Variants in PCDHGA7 observed in about 807,000 individuals in gnomAD.
PCDHGA7 encodes the protein protocadherin gamma-A7.
Under a neutral mutation model 58.3 loss-of-function variants are expected in PCDHGA7, and 44 were observed. The ratio of observed to expected loss-of-function variants is 0.75; its 90% CI spans 0.59 to 0.97. The LOEUF is 0.97. Among genes scored for constraint, PCDHGA7 ranks in the 50% least tolerant of loss-of-function variants. The probability of loss-of-function intolerance (pLI) is 0.00; values close to 1 mark genes in which losing one functional copy is unlikely to be tolerated. For synonymous variants in PCDHGA7, 516 were observed against 504.2 expected, an observed-to-expected ratio of 1.02 and a Z score of -0.31; for missense variants, 1,266 against 1,188.7, an observed-to-expected ratio of 1.06 and a Z score of -0.96.
At chr5:141,475,955 C>G (rs1562050812) in intron 1 of PCDHGA7, 8 of 800,218 alleles carry the variant, frequency 1.0e-5, no homozygotes, top group South Asian at 1.9e-5. Flanking sequence ...TTCTGCGCCC[C>G]GGGATGAGGC....
rs2154586748 is a variant in PCDHGA7 at position 141,491,733 on chromosome 5, T to A, written c.2425-3074T>A. The A allele has an allele frequency of 6.2e-7, 1 of 1,602,698 alleles. No individual in the cohort carries two copies. Among genetic ancestry groups the A allele is most frequent in the Non-Finnish European group, 8.5e-7 (1 of 1,175,258 alleles). On this transcript the variant is annotated intron_variant, in intron 1 of 3. Transcript: ENST00000518325. The surrounding 1 kb of genome is among the most constrained non-coding windows in gnomAD (Gnocchi z 6.9). ...GCTCGGCGCCGCCCCGGGCGACCCC[T>A]GGGGGCGGCACTGGAGAAGCCGCCC...
chr5:141,419,794 T>C (rs368369787), intron 1 of PCDHGA7: 54 of 1,613,930 alleles, frequency 3.3e-5, no homozygotes, highest in Non-Finnish European at 4.5e-5. Flanking sequence ...TGCTAGTCGC[T>C]GTAAGAGATG....
intron 1 of PCDHGA7, chr5:141,404,795 G>A (rs769293241): frequency 5.0e-6 from 8 of 1,613,924 alleles, no homozygotes; most frequent in Admixed American, 1.7e-5. Flanking sequence ...CAGTGAGCCA[G>A]GGCTCTTCTC....
chr5:141,420,187 CA>C (rs779974762), intron 1 of PCDHGA7: 25 of 1,613,706 alleles, frequency 1.5e-5, no homozygotes, highest in Non-Finnish European at 2.1e-5. Flanking sequence ...ATTGTCCAGC[CA>C]CACAAGATAA....
chr5:141,450,817 A>G, intron 1 of PCDHGA7, among the ~76,000 whole-genome samples: 1 of 137,534 alleles, frequency 7.3e-6, no homozygotes, highest in East Asian at 2.1e-4. Context: ...TTTATTTAAT[A>G]TTATTATTAT....
intron 1 of PCDHGA7, among the ~76,000 whole-genome samples, chr5:141,457,628 C>T (rs1210673176): frequency 6.6e-6 from 1 of 152,244 alleles, no homozygotes; most frequent in Non-Finnish European, 1.5e-5. Context: ...TAATCTTATA[C>T]TTGGCCTGAT....
intron 1 of PCDHGA7, chr5:141,408,126 C>T: frequency 1.5e-5 from 22 of 1,479,600 alleles, no homozygotes; most frequent in Non-Finnish European, 1.6e-5. Flanking sequence ...TGTCCTGGGC[C>T]GAATGCTCTT....
At chr5:141,450,957 T>G (rs2154563418) in intron 1 of PCDHGA7, among the ~76,000 whole-genome samples, 1 of 152,010 alleles carries the variant, frequency 6.6e-6, no homozygotes, top group Non-Finnish European at 1.5e-5. Context: ...CCCAAGTAGC[T>G]GGGATTACAG....
chr5:141,410,544 G>T, intron 1 of PCDHGA7: 1 of 1,613,640 alleles, frequency 6.2e-7, no homozygotes, highest in Non-Finnish European at 8.5e-7. Flanking sequence ...GACATGGTTT[G>T]CAGTGTTTCT....
intron 1 of PCDHGA7, among the ~76,000 whole-genome samples, chr5:141,444,497 C>G (rs899746599): frequency 3.3e-5 from 5 of 152,026 alleles, no homozygotes; most frequent in African/African-American, 1.2e-4. Context: ...TTGTGTAATA[C>G]TTTGCTCTAG....
At position 141,510,965 on chromosome 5, in the gene PCDHGA7, C is replaced by T. The variant is rs1473736492; in HGVS notation, c.2591C>T (p.Ser864Phe). The T allele has an allele frequency of 3.1e-6, 5 of 1,614,026 alleles. No homozygotes were observed. The highest frequency in any genetic ancestry group is 4.2e-6 in the Non-Finnish European group (5 of 1,180,020). The change falls in exon 4 of 4, where the codon TCC becomes TTC. Residue 864 changes from serine (S) to phenylalanine (F), a missense_variant. Transcript: ENST00000518325. ...TCTGCAGAAGCTGCTGATGGGAGCT[C>T]CACCCTGGGAGGGGGTGCCGGCACC... ...ASASEAADGS[S>F]TLGGGAGTMG...
In PCDHGA7 at chr5:141,485,735, G is replaced by A; in HGVS notation, c.2425-9072G>A. 6.2e-7 allele frequency: 1 copy of A among 1,614,166 alleles called. No homozygotes were observed. The highest frequency in any genetic ancestry group is 8.5e-7 in the Non-Finnish European group (1 of 1,180,036). On this transcript the variant is annotated intron_variant, in intron 1 of 3. Coordinates refer to ENST00000518325, the MANE Select transcript of PCDHGA7 (RefSeq NM_018920.4). The surrounding 1 kb of genome is among the most constrained non-coding windows in gnomAD (Gnocchi z 5.7). Reference sequence around the variant, plus strand: ...ACTGGATGTGAAGAAGCGCAGCGACGGCAGCCTGGTCCCAGAGCTGCTCCT... The same window carrying A: ...ACTGGATGTGAAGAAGCGCAGCGACAGCAGCCTGGTCCCAGAGCTGCTCCT...
chr5:141,457,798 C>T (rs1233396158), intron 1 of PCDHGA7, among the ~76,000 whole-genome samples: 5 of 152,194 alleles, frequency 3.3e-5, no homozygotes, highest in African/African-American at 9.6e-5. Context: ...GTTATCCTCT[C>T]CTCTTGAGGT....
chr5:141,407,599 AAAG>A (rs1328416590), intron 1 of PCDHGA7, among the ~76,000 whole-genome samples: 13 of 152,198 alleles, frequency 8.5e-5, no homozygotes, highest in Admixed American at 2.0e-4. Flanking sequence ...CTCATCTTAA[AAAG>A]AAGCATTGGT....
In PCDHGA7 at chr5:141,477,982, G is replaced by A; in HGVS notation, c.2425-16825G>A. ...CTAACCAGAGCCTTTTTGCCATAGG[G>A]CTGCACACTGGTCAAATCAGTACTG... is the stretch of plus-strand genomic sequence containing the variant. On this transcript the variant is annotated intron_variant, in intron 1 of 3. Transcript: ENST00000518325. The surrounding 1 kb of genome is among the most constrained non-coding windows in gnomAD (Gnocchi z 4.9). 6.2e-7 allele frequency: 1 copy of A among 1,614,066 alleles called. No individual in the cohort carries two copies. Among genetic ancestry groups the A allele is most frequent in the Non-Finnish European group, 8.5e-7 (1 of 1,180,014 alleles).
intron 1 of PCDHGA7, among the ~76,000 whole-genome samples, chr5:141,397,773 T>C (rs2093568087): frequency 1.3e-5 from 2 of 152,218 alleles, no homozygotes; most frequent in African/African-American, 2.4e-5. Context: ...ATTAAGTATA[T>C]GGACGTAAAA....
Position 141,383,993 on chromosome 5 carries a change from T to C in PCDHGA7, c.1094T>C (p.Val365Ala). ...SIPEDTPLGT[V>A]IALFYLQDRD... ...CCTGAAGACACACCTCTTGGGACAG[T>C]CATTGCTCTTTTCTACCTACAAGAC... The change falls in exon 1 of 4, where the codon GTC (valine) becomes GCC (alanine). Residue 365 changes from valine (V) to alanine (A), a missense_variant. Coordinates refer to ENST00000518325, the MANE Select transcript of PCDHGA7 (RefSeq NM_018920.4). The C allele has an allele frequency of 2.5e-6, 4 of 1,613,872 alleles. No individual in the cohort carries two copies. The highest frequency in any genetic ancestry group is 3.4e-6 in the Non-Finnish European group (4 of 1,179,820).
chr5:141,485,961 A>G lies in PCDHGA7; in HGVS notation c.2425-8846A>G. Reference sequence around the variant, plus strand: ...GCACCAGCGGGCATGGTGCTCATCCAGCTCAATGCCTCAGACCCGGACCTG... The same window carrying G: ...GCACCAGCGGGCATGGTGCTCATCCGGCTCAATGCCTCAGACCCGGACCTG... On this transcript the variant is annotated intron_variant, in intron 1 of 3. Coordinates refer to ENST00000518325, the MANE Select transcript of PCDHGA7 (RefSeq NM_018920.4). This position sits in a 1 kb window ranked among gnomAD's most constrained non-coding sequence, Gnocchi z 5.7. 1 of 1,614,204 alleles carries G rather than the reference A, an allele frequency of 6.2e-7. No individual in the cohort carries two copies. Among genetic ancestry groups the G allele is most frequent in the Non-Finnish European group, 8.5e-7 (1 of 1,180,028 alleles).
At chr5:141,423,033 C>A (rs2096701827) in intron 1 of PCDHGA7, 2 of 1,614,102 alleles carry the variant, frequency 1.2e-6, no homozygotes, top group Non-Finnish European at 1.7e-6. Flanking sequence ...CAGGCCAGAA[C>A]GCCTGGCTGT....
Sources: allele counts gnomAD v4.1 joint callset (sites outside exome capture counted in the v4.1 genomes callset), GRCh38; gene constraint gnomAD v4.1.1; non-coding constraint Gnocchi (gnomAD v3.1); transcripts MANE v1.5; gene names NCBI Gene and HGNC (gene_info 2026-07-23, HGNC 2026-07-21).